The following RESP18 variants were observed in gnomAD, a reference collection of about 807,000 sequenced individuals.
RESP18 encodes the protein regulated endocrine-specific protein 18.
A neutral mutation model predicts 30.0 loss-of-function variants in RESP18; 30 were observed. The ratio of observed to expected loss-of-function variants is 1.00; its 90% CI spans 0.75 to 1.36. The LOEUF is 1.36. Ranked by LOEUF, RESP18 falls within the 40% of genes most tolerant of loss-of-function variation. The pLI, the probability that RESP18 is intolerant of heterozygous loss-of-function variation, is 0.00. For synonymous variants in RESP18, 117 were observed against 111.2 expected, an observed-to-expected ratio of 1.05 and a Z score of -0.33; for missense variants, 320 against 284.2, an observed-to-expected ratio of 1.13 and a Z score of -0.91.
Position 219,329,284 on chromosome 2 carries a change from A to C in RESP18, c.466-32T>G, listed in dbSNP as rs981252085. ...GGAGGGAAACCAGGAGTCAAGGAGG[A>C]GGCAGAAAAGGGTGAGAGGGCCCCA... On this transcript the variant is annotated intron_variant, in intron 4 of 6. Coordinates refer to ENST00000333527, the MANE Select transcript of RESP18 (RefSeq NM_001007089.4). 4.5e-6 allele frequency: 7 copies of C among 1,551,522 alleles called. No individual in the cohort carries two copies. In the Admixed American group the frequency reaches 7.8e-5, roughly 17 times the overall value.
In RESP18 at chr2:219,328,919, C is replaced by G. The variant is rs776599068; in HGVS notation, c.640+5G>C. The G allele has an allele frequency of 1.9e-6, 3 of 1,542,130 alleles. No homozygotes were observed. The highest frequency in any genetic ancestry group is 2.6e-6 in the Non-Finnish European group (3 of 1,139,002). On this transcript the variant is annotated splice_donor_5th_base_variant and intron_variant, in intron 6 of 6. Coordinates refer to ENST00000333527, the MANE Select transcript of RESP18 (RefSeq NM_001007089.4). Reference sequence around the variant, plus strand: ...TTCAATGCCTATTTTAAACTCAATACTTACGCATGATCTTATAGATAATTT... The same window carrying G: ...TTCAATGCCTATTTTAAACTCAATAGTTACGCATGATCTTATAGATAATTT...
intron 5 of RESP18, 26 bp downstream of exon 4, chr2:219,329,137 C>T (rs936662319): frequency 3.9e-6 from 6 of 1,544,512 alleles, no homozygotes; most frequent in Non-Finnish European, 5.3e-6. Context: ...CAGGTCCAAC[C>T]TCCCTAGAAA....
Position 219,331,813 on chromosome 2 carries a change from C to G in RESP18, c.232+711G>C, listed in dbSNP as rs530111664. Among the ~76,000 whole-genome samples the G allele has an allele frequency of 2.0e-5, 3 of 152,370 alleles. No homozygotes were observed. The South Asian group carries it at 6.2e-4, about 32-fold the overall frequency. ...GGCGCTGGGCGGAATGTGGGCGAGA[C>G]ATCTCCGCAAGGCTTGGCGGTCCTT... On this transcript the variant is annotated intron_variant, in intron 2 of 6. Coordinates refer to ENST00000333527, the MANE Select transcript of RESP18 (RefSeq NM_001007089.4).
At chr2:219,331,786 G>A (rs1316296456) in intron 2 of RESP18, among the ~76,000 whole-genome samples, 1 of 152,218 alleles carries the variant, frequency 6.6e-6, no homozygotes, top group African/African-American at 2.4e-5. Flanking sequence ...CAGCGTGGCG[G>A]CGGCGCTGGG....
chr2:219,331,798 G>A (rs561085660), intron 2 of RESP18, among the ~76,000 whole-genome samples: 1 of 152,328 alleles, frequency 6.6e-6, no homozygotes, highest in South Asian at 2.1e-4. Flanking sequence ...GGCGCTGGGC[G>A]GAATGTGGGC....
At chr2:219,332,144 C>A (rs1426888587) in intron 2 of RESP18, among the ~76,000 whole-genome samples, 1 of 152,190 alleles carries the variant, frequency 6.6e-6, no homozygotes, top group African/African-American at 2.4e-5. Context: ...GAAGCCCTGG[C>A]TCGTCTCCTG....
Position 219,332,694 on chromosome 2 carries a change from G to C in RESP18, c.62C>G (p.Pro21Arg), listed in dbSNP as rs1259988202. 1 of 1,550,220 alleles carries C rather than the reference G, an allele frequency of 6.5e-7. No individual in the cohort carries two copies. ...AGTGAAGGTAGCGGCCACGGCCGAG[G>C]GGCTGAGCGGGGCTGCAGCTTCCCA... The change falls in exon 2 of 7, where the codon CCC becomes CGC. Residue 21 changes from proline to arginine, a missense_variant. Pro to Arg is a moderately radical substitution (Grantham distance 103, BLOSUM62 -2). Transcript: ENST00000333527.
chr2:219,329,604 G>C, intron 4 of RESP18, 33 bp downstream of exon 3: 1 of 1,549,802 alleles, frequency 6.5e-7, no homozygotes, highest in South Asian at 1.2e-5. Context: ...CTGCCAGAAT[G>C]CTTGGAATGA....
At chr2:219,329,517 G>A in intron 4 of RESP18, 120 bp downstream of exon 3, 4 of 1,502,934 alleles carry the variant, frequency 2.7e-6, no homozygotes, top group Non-Finnish European at 3.5e-6. Context: ...TTCCAAACAG[G>A]ACCTCTGAAT....
In RESP18 at chr2:219,329,722, T is replaced by G. The variant is rs1559315549; in HGVS notation, c.380A>C (p.Gln127Pro). Reference sequence around the variant, plus strand: ...CAGTCTGCTGGCATGCTCCATCTTTTGGATCATTGCATCCTGGGTGATGTC... The same window carrying G: ...CAGTCTGCTGGCATGCTCCATCTTTGGGATCATTGCATCCTGGGTGATGTC... Residue 127 changes from glutamine (Q) to proline (P), a missense_variant, in exon 4 of 7, where the codon CAA becomes CCA. Physicochemically the swap from Gln to Pro is moderately conservative, Grantham distance 76. Coordinates refer to ENST00000333527, the MANE Select transcript of RESP18 (RefSeq NM_001007089.4). 2 of 1,551,652 alleles carry G rather than the reference T, an allele frequency of 1.3e-6. No individual in the cohort carries two copies. The highest frequency in any genetic ancestry group is 2.7e-5 in the African/African-American group (2 of 73,160).
At chr2:219,330,467 G>T (rs1952818071) in intron 3 of RESP18, among the ~76,000 whole-genome samples, 1 of 151,948 alleles carries the variant, frequency 6.6e-6, no homozygotes, top group African/African-American at 2.4e-5. Flanking sequence ...CTTTGGAAAA[G>T]CTCATATAGT....
intron 2 of RESP18, among the ~76,000 whole-genome samples, chr2:219,331,893 G>C (rs764479600): frequency 8.5e-5 from 13 of 152,218 alleles, no homozygotes; most frequent in Non-Finnish European, 1.5e-4. Flanking sequence ...AGCTGTTCCT[G>C]AATCCGCTGC....
Position 219,332,668 on chromosome 2 carries a change from C to G in RESP18, c.88G>C (p.Glu30Gln), listed in dbSNP as rs1158090321. ...GCGCGCTCACTCCCCGGCCAAGTCT[C>G]AGTGAAGGTAGCGGCCACGGCCGAG... The change falls in exon 2 of 7, where the codon GAG becomes CAG. Residue 30 changes from glutamate to glutamine, a missense_variant. Coordinates refer to ENST00000333527, the MANE Select transcript of RESP18 (RefSeq NM_001007089.4). 6.4e-7 allele frequency: 1 copy of G among 1,551,178 alleles called. No homozygotes were observed. The highest frequency in any genetic ancestry group is 2.0e-5 in the Admixed American group (1 of 50,984).
At chr2:219,331,861 T>C (rs1483828267) in intron 2 of RESP18, among the ~76,000 whole-genome samples, 1 of 152,212 alleles carries the variant, frequency 6.6e-6, no homozygotes, top group South Asian at 2.1e-4. Flanking sequence ...CATCCTCTCA[T>C]TGCCACCAGG....
At chr2:219,329,462 C>T (rs1372172087) in intron 4 of RESP18, 175 bp downstream of exon 3, 12 of 1,550,736 alleles carry the variant, frequency 7.7e-6, no homozygotes, top group Middle Eastern at 1.7e-4. Context: ...ACCTCCCCTC[C>T]CTTTGCAGAT....
At chr2:219,329,823 G>C (rs1269336529) in intron 3 of RESP18, 59 bp from the exon 3 acceptor site, 1 of 1,502,872 alleles carries the variant, frequency 6.7e-7, no homozygotes, top group Non-Finnish European at 9.0e-7. Flanking sequence ...TCCACTCCAG[G>C]GATCAGAGTA....
chr2:219,327,634 T>A (rs1455693968), intron 6 of RESP18, 71 bp from the exon 6 acceptor site: 1 of 1,287,770 alleles, frequency 7.8e-7, no homozygotes, highest in African/African-American at 1.5e-5. Context: ...TCTGCCCTCC[T>A]TCCACAAATA....
At chr2:219,332,403 C>A in intron 2 of RESP18, 121 bp downstream of exon 1, 1 of 726,366 alleles carries the variant, frequency 1.4e-6, no homozygotes, top group Non-Finnish European at 2.2e-6. Flanking sequence ...TTTTTCTCTT[C>A]TCACGTCCTT....
intron 3 of RESP18, 36 bp downstream of exon 2, chr2:219,330,735 C>G (rs1952821946): frequency 4.3e-6 from 6 of 1,391,480 alleles, no homozygotes; most frequent in Non-Finnish European, 6.0e-6. Flanking sequence ...CCATCTCTAA[C>G]CAGGCCCCAA....
Sources: gnomAD v4.1 joint callset for allele counts (sites outside exome capture counted in the v4.1 genomes callset) on GRCh38, gnomAD v4.1.1 for gene constraint, MANE v1.5 for transcripts, NCBI Gene and HGNC (gene_info 2026-07-23, HGNC 2026-07-21) for gene names.